The following N4BP2L2 variants were observed in gnomAD, a reference collection of about 807,000 sequenced individuals.
The protein encoded by N4BP2L2 is NEDD4 binding protein 2 like 2.
N4BP2L2 carries 50 observed loss-of-function variants against 56.2 expected under a neutral mutation model. The observed-to-expected ratio is 0.89, with a 90% CI of 0.71 to 1.13. N4BP2L2 has a LOEUF of 1.13. Among genes scored for constraint, N4BP2L2 ranks in the 50% most tolerant of loss-of-function variants. The pLI, the probability that N4BP2L2 is intolerant of heterozygous loss-of-function variation, is 0.00. For synonymous variants in N4BP2L2, 203 were observed against 223.6 expected, an observed-to-expected ratio of 0.91 and a Z score of 0.82; for missense variants, 689 against 693.8, an observed-to-expected ratio of 0.99 and a Z score of 0.08.
At chr13:32,508,526 T>C (rs563679610), downstream of N4BP2L2, 1 of 152,350 alleles carries the variant, frequency 6.6e-6, no homozygotes, top group South Asian at 2.1e-4. Context: ...TGCCTAACTC[T>C]TGTAATAATG....
chr13:32,498,282 T>C (rs2089218492), intron 6 of N4BP2L2, among the ~76,000 whole-genome samples: 1 of 152,162 alleles, frequency 6.6e-6, no homozygotes, highest in African/African-American at 2.4e-5. Flanking sequence ...TGACACATAA[T>C]TATGTCTGTT....
exon 6 of N4BP2L2, chr13:32,514,198 C>CT (rs1445886807): frequency 6.6e-6 from 1 of 151,976 alleles, no homozygotes; most frequent in Non-Finnish European, 1.5e-5. Context: ...CTAACATTAT[C>CT]TTTTACAAAG....
chr13:32,526,119 T>G (rs2052682182), intron 3 of N4BP2L2, among the ~76,000 whole-genome samples: 1 of 151,572 alleles, frequency 6.6e-6, no homozygotes, highest in Non-Finnish European at 1.5e-5. Flanking sequence ...AGGAGCAAGT[T>G]AAACGGTTAA....
intron 5 of N4BP2L2, among the ~76,000 whole-genome samples, chr13:32,519,120 C>T (rs1021503326): frequency 2.0e-5 from 3 of 151,560 alleles, no homozygotes; most frequent in Non-Finnish European, 2.9e-5. Flanking sequence ...AGAAAAAATG[C>T]GATGAAGTTG....
chr13:32,536,509 GAAT>G (rs2056591083), exon 2 of N4BP2L2: 3 of 1,613,322 alleles, frequency 1.9e-6, no homozygotes, highest in African/African-American at 2.7e-5. Flanking sequence ...TGTAAAACTG[GAAT>G]AATTCATTGT....
chr13:32,438,842 A>C, intron 7 of N4BP2L2: 1 of 744,000 alleles, frequency 1.3e-6, no homozygotes, highest in Non-Finnish European at 2.2e-6. Flanking sequence ...TACCATTAAA[A>C]GTCTGGTTTT....
At chr13:32,537,127 G>T in intron 1 of N4BP2L2, 100 bp from the exon 2 acceptor site, 1 of 869,124 alleles carries the variant, frequency 1.2e-6, no homozygotes, top group Non-Finnish European at 1.6e-6. Context: ...ATTTAAATTT[G>T]TGATATATTT....
rs573652113 is a variant in N4BP2L2 at position 32,502,302 on chromosome 13, C to T, written c.365+15555G>A. On this transcript the variant is annotated intron_variant, in intron 6 of 9. Coordinates refer to the N4BP2L2 transcript ENST00000357505. ...ATGTTGGCCAGGCTGGTCTCGAACA[C>T]CTGGCCTCATGTGATCCACCCTCCT... Among the ~76,000 whole-genome samples, 6 of 152,126 alleles carry T rather than the reference C, an allele frequency of 3.9e-5. 1 individual carries two copies. The East Asian group carries it at 1.2e-3, about 29-fold the overall frequency.
chr13:32,465,101 G>C (rs2080985162), intron 6 of N4BP2L2, among the ~76,000 whole-genome samples: 1 of 151,974 alleles, frequency 6.6e-6, no homozygotes, highest in South Asian at 2.1e-4. Flanking sequence ...AGAGTAGCTG[G>C]GATTACAGGT....
intron 6 of N4BP2L2, among the ~76,000 whole-genome samples, chr13:32,472,327 TAAG>T (rs1051897735): frequency 2.0e-5 from 3 of 152,218 alleles, no homozygotes; most frequent in African/African-American, 7.2e-5. Context: ...ACGTCAATAC[TAAG>T]AAGATTCCAC....
intron 6 of N4BP2L2, among the ~76,000 whole-genome samples, chr13:32,455,374 A>G (rs1052033362): frequency 2.6e-5 from 4 of 152,170 alleles, no homozygotes; most frequent in African/African-American, 9.7e-5. Flanking sequence ...GGCAGCCACC[A>G]CAGACAGCAA....
chr13:32,536,542 G>A (rs1338242107), exon 2 of N4BP2L2: 5 of 1,613,808 alleles, frequency 3.1e-6, no homozygotes, highest in Non-Finnish European at 4.2e-6. Flanking sequence ...ATTTTTCAGA[G>A]TTAAATTTCT....
intron 3 of N4BP2L2, among the ~76,000 whole-genome samples, chr13:32,526,716 C>A (rs530384379): frequency 6.6e-6 from 1 of 150,504 alleles, no homozygotes; most frequent in Non-Finnish European, 1.5e-5. Context: ...ACATCAGAAT[C>A]GTCTGGAGAA....
At position 32,535,757 on chromosome 13, in the gene N4BP2L2, T is replaced by A; in HGVS notation, c.1259+12A>T. On this transcript the variant is annotated intron_variant, in intron 2 of 5. Transcript: ENST00000267068. ...TGAATTACCAAGTATTCAGTTGGTA[T>A]CCTTTACTTACCGAGACAATGTTGT... is the stretch of plus-strand genomic sequence containing the variant. 1.2e-6 allele frequency: 2 copies of A among 1,607,256 alleles called. No homozygotes were observed. The highest frequency in any genetic ancestry group is 1.7e-6 in the Non-Finnish European group (2 of 1,176,872).
chr13:32,442,664 T>C (rs2076552932), exon 7 of N4BP2L2: 1 of 1,613,830 alleles, frequency 6.2e-7, no homozygotes, highest in African/African-American at 1.3e-5. Context: ...TTACCTACTC[T>C]TGTCTGAGAT....
chr13:32,500,704 G>C (rs562319773), intron 6 of N4BP2L2, among the ~76,000 whole-genome samples: 63 of 149,932 alleles, frequency 4.2e-4, no homozygotes, highest in Admixed American at 5.3e-4. Flanking sequence ...GGTGACAGAC[G>C]GAAACCGTGT....
At chr13:32,434,256 CTTTT>C (rs983130668) in intron 9 of N4BP2L2, among the ~76,000 whole-genome samples, 1 of 128,280 alleles carries the variant, frequency 7.8e-6, no homozygotes, top group Admixed American at 8.5e-5. Context: ...TTCTTTTTTT[CTTTT>C]TTTTTTTTTT....
chr13:32,520,696 A>G (rs1186519968), intron 5 of N4BP2L2, among the ~76,000 whole-genome samples: 1 of 152,058 alleles, frequency 6.6e-6, no homozygotes, highest in African/African-American at 2.4e-5. Context: ...AAGGAATAAC[A>G]GTCAGGAAAC....
downstream of N4BP2L2, chr13:32,508,280 T>C (rs1221335695): frequency 6.6e-6 from 1 of 152,168 alleles, no homozygotes; most frequent in Non-Finnish European, 1.5e-5. Context: ...AGAAAGAAGT[T>C]TGGCTATAAA....
Sources: allele counts gnomAD v4.1 joint callset (sites outside exome capture counted in the v4.1 genomes callset), GRCh38; gene constraint gnomAD v4.1.1; transcripts MANE v1.5; gene names NCBI Gene and HGNC (gene_info 2026-07-23, HGNC 2026-07-21).